Variants in EPHB1 observed in about 807,000 individuals in gnomAD.
The protein encoded by EPHB1 is EPH receptor B1.
EPHB1 carries 30 observed loss-of-function variants against 94.4 expected under a neutral mutation model. The ratio of observed to expected loss-of-function variants is 0.32; its 90% CI spans 0.24 to 0.43. The LOEUF (loss-of-function observed/expected upper bound fraction) is 0.43, where lower values mean the gene tolerates loss of function less well. EPHB1 is among the 20% of genes least tolerant of loss of function. EPHB1 has a pLI of 1.00. For missense variants in EPHB1, 1,055 were observed against 1,308.3 expected, an observed-to-expected ratio of 0.81 and a Z score of 2.99; for synonymous variants, 522 against 489.1, an observed-to-expected ratio of 1.07 and a Z score of -0.89.
At chr3:135,144,385 T>C (rs555783430) in intron 5 of EPHB1, among the ~76,000 whole-genome samples, 1 of 152,308 alleles carries the variant, frequency 6.6e-6, no homozygotes, top group East Asian at 1.9e-4. Context: ...GAAAGACTTG[T>C]TAAAACACAG....
intron 8 of EPHB1, among the ~76,000 whole-genome samples, 178 bp from the exon 9 acceptor site, chr3:135,166,764 G>C (rs1370340323): frequency 6.6e-6 from 1 of 152,254 alleles, no homozygotes; most frequent in African/African-American, 2.4e-5. Flanking sequence ...ACAGGAGTGA[G>C]TGGTGGTCAA....
chr3:134,808,536 A>G (rs1245870194), intron 1 of EPHB1, among the ~76,000 whole-genome samples: 1 of 152,114 alleles, frequency 6.6e-6, no homozygotes, highest in Non-Finnish European at 1.5e-5. Context: ...ACACCTATCA[A>G]TCTTCCTGGG....
intron 3 of EPHB1, among the ~76,000 whole-genome samples, chr3:135,105,580 G>T (rs1378403225): frequency 6.6e-6 from 1 of 152,134 alleles, no homozygotes; most frequent in Non-Finnish European, 1.5e-5. Flanking sequence ...AAGACCCGAG[G>T]GATAGCTTGG....
intron 15 of EPHB1, among the ~76,000 whole-genome samples, chr3:135,253,900 G>T (rs1377407598): frequency 2.6e-5 from 4 of 151,516 alleles, no homozygotes; most frequent in South Asian, 2.1e-4. Context: ...GAGCAGTGGT[G>T]TGTAGTTCTC....
intron 3 of EPHB1, among the ~76,000 whole-genome samples, chr3:135,097,168 G>GTTTTTT (rs145129220): frequency 1.9e-5 from 2 of 104,556 alleles, no homozygotes; most frequent in East Asian, 3.1e-4. Flanking sequence ...TTTTTTCTTT[G>GTTTTTT]TTTTTTTTTT....
chr3:135,134,121 G>A (rs1192361261), intron 5 of EPHB1, among the ~76,000 whole-genome samples: 2 of 152,250 alleles, frequency 1.3e-5, no homozygotes, highest in Admixed American at 6.5e-5. Context: ...CAGAGGGGAA[G>A]TGAACATCAC....
intron 5 of EPHB1, among the ~76,000 whole-genome samples, chr3:135,153,035 C>A (rs1333993168): frequency 3.3e-5 from 5 of 152,162 alleles, no homozygotes; most frequent in African/African-American, 1.2e-4. Flanking sequence ...GCATCCTCTC[C>A]CTGAGGGGCT....
intron 1 of EPHB1, among the ~76,000 whole-genome samples, chr3:134,808,950 A>G (rs753451486): frequency 5.3e-5 from 8 of 152,238 alleles, no homozygotes; most frequent in Non-Finnish European, 7.3e-5. Context: ...CCTGGTTCCA[A>G]TGTAGATACC....
chr3:134,907,915 C>A (rs1022873683), intron 1 of EPHB1, among the ~76,000 whole-genome samples: 1 of 152,228 alleles, frequency 6.6e-6, no homozygotes, highest in African/African-American at 2.4e-5. Context: ...CTCTCCGGGC[C>A]TCCAACATGC....
intron 12 of EPHB1, among the ~76,000 whole-genome samples, chr3:135,203,751 T>C (rs999640943): frequency 6.6e-6 from 1 of 152,214 alleles, no homozygotes; most frequent in African/African-American, 2.4e-5. Flanking sequence ...AAATTTTTAT[T>C]CTACAAAATT....
intron 2 of EPHB1, among the ~76,000 whole-genome samples, chr3:134,941,727 A>C (rs2107709912): frequency 6.7e-6 from 1 of 150,132 alleles, no homozygotes; most frequent in South Asian, 2.1e-4. Context: ...ATGAGTTTTG[A>C]TAGCATGCTT....
intron 3 of EPHB1, among the ~76,000 whole-genome samples, chr3:135,038,744 G>A (rs1405123505): frequency 1.3e-5 from 2 of 152,156 alleles, no homozygotes; most frequent in Non-Finnish European, 2.9e-5. Context: ...TTCGCGGTGA[G>A]TGTTACAGCT....
At chr3:134,874,960 T>A (rs1235705018) in intron 1 of EPHB1, among the ~76,000 whole-genome samples, 1 of 152,222 alleles carries the variant, frequency 6.6e-6, no homozygotes. Context: ...TGATTCGGTT[T>A]GAGGGAGACA....
intron 3 of EPHB1, among the ~76,000 whole-genome samples, chr3:135,013,886 G>A (rs1489538937): frequency 6.6e-6 from 1 of 152,156 alleles, no homozygotes; most frequent in Non-Finnish European, 1.5e-5. Context: ...AAGTCTGATG[G>A]AAACAGTGAT....
chr3:135,102,653 A>T (rs887867125), intron 3 of EPHB1, among the ~76,000 whole-genome samples: 14 of 152,360 alleles, frequency 9.2e-5, no homozygotes, highest in African/African-American at 3.4e-4. Flanking sequence ...ATTATAAATC[A>T]TTCTACTATA....
At chr3:134,862,233 G>A (rs1480267400) in intron 1 of EPHB1, among the ~76,000 whole-genome samples, 2 of 152,182 alleles carry the variant, frequency 1.3e-5, no homozygotes, top group African/African-American at 4.8e-5. Flanking sequence ...GCTCTTTGGA[G>A]GCAGGAACAG....
rs111875236 is a variant in EPHB1 at position 135,048,139 on chromosome 3, G to C, written c.806-58309G>C. 2.5e-4 allele frequency among the ~76,000 whole-genome samples: 38 copies of C among 151,760 alleles called. 1 individual carries two copies. Among genetic ancestry groups the C allele is most frequent in the Admixed American group, 2.5e-3 (38 of 15,252 alleles). On this transcript the variant is annotated intron_variant, in intron 3 of 15. Coordinates refer to ENST00000398015, the MANE Select transcript of EPHB1 (RefSeq NM_004441.5). The stretch of plus-strand genomic sequence containing the variant: ...CTAAGAGTCAGTGGAGGGCAAGGGT[G>C]GAGGTGCTGGGAAGGAGGAGGGAAG...
intron 1 of EPHB1, among the ~76,000 whole-genome samples, chr3:134,910,119 C>A (rs1053665812): frequency 1.8e-4 from 27 of 152,330 alleles, no homozygotes; most frequent in Admixed American, 1.4e-3. Flanking sequence ...AGAGTGCCAT[C>A]CTTAGGCCTG....
chr3:134,814,839 G>A (rs751431429), intron 1 of EPHB1, among the ~76,000 whole-genome samples: 11 of 152,012 alleles, frequency 7.2e-5, no homozygotes, highest in African/African-American at 1.9e-4. Flanking sequence ...CTTCACAGAC[G>A]GTCTTCTTTG....
Sources: gnomAD v4.1 joint callset for allele counts (sites outside exome capture counted in the v4.1 genomes callset) on GRCh38, gnomAD v4.1.1 for gene constraint, MANE v1.5 for transcripts, NCBI Gene and HGNC (gene_info 2026-07-23, HGNC 2026-07-21) for gene names.